The following INPP5A variants were observed in gnomAD, a reference collection of about 807,000 sequenced individuals.
INPP5A encodes the protein inositol polyphosphate-5-phosphatase A, also known as 43 kDa inositol polyphosphate 5-phophatase.
Under a neutral mutation model 65.2 loss-of-function variants are expected in INPP5A, and 14 were observed. That is an observed-to-expected ratio of 0.21 (90% CI 0.14 to 0.34). INPP5A has a LOEUF of 0.34. Ranked by LOEUF, INPP5A falls within the 10% of genes least tolerant of loss-of-function variation. The pLI, the probability that INPP5A is intolerant of heterozygous loss-of-function variation, is 1.00. For synonymous variants in INPP5A, 207 were observed against 208.3 expected (o/e 0.99, Z 0.05); for missense variants, 431 against 545.6 (o/e 0.79, Z 2.09).
At position 132,708,380 on chromosome 10, in the gene INPP5A, T is replaced by A; in HGVS notation, c.527+15T>A. ...ATTGCAGACTGGTACGTGGTGTCTG[T>A]GCTTTGTCAATTTCCATAACGTTTC... On this transcript the variant is annotated intron_variant, in intron 7 of 15. Coordinates refer to ENST00000368594, the MANE Select transcript of INPP5A (RefSeq NM_005539.5). 6.2e-7 allele frequency: 1 copy of A among 1,612,554 alleles called. No individual in the cohort carries two copies. Among genetic ancestry groups the A allele is most frequent in the Non-Finnish European group, 8.5e-7 (1 of 1,178,532 alleles).
chr10:132,690,515 G>GGGAAGCCAGACA, intron 5 of INPP5A, 60 bp downstream of exon 5: 2 of 1,292,400 alleles, frequency 1.5e-6, no homozygotes, highest in Non-Finnish European at 2.2e-6. Context: ...CTGGTGTCTG[G>GGGAAGCCAGACA]CTTCCCCAGA....
rs768756036 is a variant in INPP5A at position 132,706,803 on chromosome 10, G to T, written c.475-1510G>T. Reference sequence around the variant, plus strand: ...GAGACAGGGAGAAGGAGACGGGGCTGCAGGGGCCACTGTGCTGGATGGGGA... The same window carrying T: ...GAGACAGGGAGAAGGAGACGGGGCTTCAGGGGCCACTGTGCTGGATGGGGA... On this transcript the variant is annotated intron_variant, in intron 6 of 15. Transcript: ENST00000368594. This position sits in a 1 kb window ranked among gnomAD's most constrained non-coding sequence, Gnocchi z 4.7. Among the ~76,000 whole-genome samples the T allele has an allele frequency of 3.3e-5, 5 of 152,320 alleles. No individual in the cohort carries two copies. The highest frequency in any genetic ancestry group is 2.1e-4 in the South Asian group (1 of 4,830).
chr10:132,775,275 C>T (rs1847044345), intron 12 of INPP5A, among the ~76,000 whole-genome samples: 1 of 151,706 alleles, frequency 6.6e-6, no homozygotes, highest in Non-Finnish European at 1.5e-5. Context: ...CGATTGTTCG[C>T]CCTATCACAG....
intron 12 of INPP5A, among the ~76,000 whole-genome samples, chr10:132,767,005 G>A (rs1846858874): frequency 6.9e-6 from 1 of 144,660 alleles, no homozygotes; most frequent in Non-Finnish European, 1.5e-5. Flanking sequence ...GGAGGATGCG[G>A]CCTCGGAGCT....
Position 132,651,547 on chromosome 10 carries a change from CCTT to C in INPP5A, c.306+1045_306+1047del, listed in dbSNP as rs2072577353. 6.6e-6 allele frequency among the ~76,000 whole-genome samples: 1 copy of C among 152,166 alleles called. No individual in the cohort carries two copies. Among genetic ancestry groups the C allele is most frequent in the Non-Finnish European group, 1.5e-5 (1 of 68,002 alleles). Reference sequence around the variant, plus strand: ...CCCCGTCTCTGGAGAGGCCCTGCATCCTTCTCCCCCATCTCTGGCCTTCTGTCC... The same window carrying C: ...CCCCGTCTCTGGAGAGGCCCTGCATCCTCCCCCATCTCTGGCCTTCTGTCC... On this transcript the variant is annotated intron_variant, in intron 4 of 15. Coordinates refer to ENST00000368594, the MANE Select transcript of INPP5A (RefSeq NM_005539.5). The surrounding 1 kb of genome is among the most constrained non-coding windows in gnomAD (Gnocchi z 5.0).
intron 1 of INPP5A, among the ~76,000 whole-genome samples, chr10:132,561,722 CCACACACACA>C (rs35335535): frequency 5.9e-4 from 84 of 142,420 alleles, no homozygotes; most frequent in African/African-American, 1.6e-3. Context: ...TTGTCAATTT[CCACACACACA>C]CACACACACA....
At chr10:132,749,278 G>A (rs529733952) in intron 9 of INPP5A, among the ~76,000 whole-genome samples, 35 of 152,370 alleles carry the variant, frequency 2.3e-4, no homozygotes, top group Admixed American at 1.4e-3. Flanking sequence ...CAGCAGCTCC[G>A]GGGTGTCCTC....
At chr10:132,598,636 G>A (rs147966611) in intron 1 of INPP5A, among the ~76,000 whole-genome samples, 1 of 152,308 alleles carries the variant, frequency 6.6e-6, no homozygotes, top group African/African-American at 2.4e-5. Flanking sequence ...TGGACACTTG[G>A]GTTTCTTCCA....
chr10:132,570,761 T>C (rs1405374005), intron 1 of INPP5A, among the ~76,000 whole-genome samples: 1 of 151,466 alleles, frequency 6.6e-6, no homozygotes, highest in Admixed American at 6.6e-5. Flanking sequence ...ACCCATACGG[T>C]GGTGACACTT....
intron 4 of INPP5A, among the ~76,000 whole-genome samples, chr10:132,669,629 T>C (rs1480221822): frequency 1.3e-5 from 2 of 152,202 alleles, no homozygotes; most frequent in Non-Finnish European, 2.9e-5. Context: ...ACACCATTCA[T>C]GTGTCCTTAG....
intron 4 of INPP5A, among the ~76,000 whole-genome samples, chr10:132,667,915 C>T (rs1263643609): frequency 2.0e-5 from 3 of 152,070 alleles, no homozygotes; most frequent in Non-Finnish European, 2.9e-5. Flanking sequence ...ATTCATTCGC[C>T]GCCATGCACC....
Position 132,741,157 on chromosome 10 carries a change from C to T in INPP5A, c.733-8360C>T, listed in dbSNP as rs1158311161. Among the ~76,000 whole-genome samples the T allele has an allele frequency of 6.6e-6, 1 of 152,144 alleles. No individual in the cohort carries two copies. Among genetic ancestry groups the T allele is most frequent in the Non-Finnish European group, 1.5e-5 (1 of 68,012 alleles). ...CTGAGGCGGGAGGATTGCTTGAGCCCGGAGGTCGAGGCTGCAGTGAGCCAG... is the reference window on the plus strand; with the variant it reads ...CTGAGGCGGGAGGATTGCTTGAGCCTGGAGGTCGAGGCTGCAGTGAGCCAG... On this transcript the variant is annotated intron_variant, in intron 9 of 15. Coordinates refer to ENST00000368594, the MANE Select transcript of INPP5A (RefSeq NM_005539.5). This position sits in a 1 kb window ranked among gnomAD's most constrained non-coding sequence, Gnocchi z 4.4.
rs903745791 is a variant in INPP5A, at chr10:132,698,570, C to G, written c.474+651C>G. 1.3e-5 allele frequency among the ~76,000 whole-genome samples: 2 copies of G among 152,210 alleles called. No individual in the cohort carries two copies. The highest frequency in any genetic ancestry group is 2.4e-5 in the African/African-American group (1 of 41,450). ...GTGATCTTTGGGTAAACCTCACACGCGGCATTGTCGGCGTCTCCCTGGCTG... is the reference window on the plus strand; with the variant it reads ...GTGATCTTTGGGTAAACCTCACACGGGGCATTGTCGGCGTCTCCCTGGCTG... On this transcript the variant is annotated intron_variant, in intron 6 of 15. Transcript: ENST00000368594. The surrounding 1 kb of genome is among the most constrained non-coding windows in gnomAD (Gnocchi z 5.5).
At chr10:132,613,701 C>T (rs1435348705) in intron 2 of INPP5A, among the ~76,000 whole-genome samples, 4 of 152,222 alleles carry the variant, frequency 2.6e-5, no homozygotes, top group Non-Finnish European at 5.9e-5. Flanking sequence ...CTTAGGCTAT[C>T]AGCCAGTTCA....
At chr10:132,737,729 A>T (rs1846202888) in intron 9 of INPP5A, among the ~76,000 whole-genome samples, 1 of 152,246 alleles carries the variant, frequency 6.6e-6, no homozygotes, top group Non-Finnish European at 1.5e-5. Context: ...GTTATTCTAG[A>T]GTCTTGGTGT....
In INPP5A at chr10:132,651,672, G is replaced by A. The variant is rs897364120; in HGVS notation, c.306+1167G>A. The stretch of plus-strand genomic sequence containing the variant: ...GTGGGCCCCCGTAGGCTGCAGTGCT[G>A]AGGGTCTCGCTCTCCAGTGCCCCCC... On this transcript the variant is annotated intron_variant, in intron 4 of 15. Coordinates refer to ENST00000368594, the MANE Select transcript of INPP5A (RefSeq NM_005539.5). This position sits in a 1 kb window ranked among gnomAD's most constrained non-coding sequence, Gnocchi z 5.0. Among the ~76,000 whole-genome samples the A allele has an allele frequency of 2.0e-5, 3 of 152,208 alleles. No homozygotes were observed. Among genetic ancestry groups the A allele is most frequent in the African/African-American group, 7.2e-5 (3 of 41,446 alleles).
chr10:132,569,238 G>C (rs982275012), intron 1 of INPP5A, among the ~76,000 whole-genome samples: 5 of 152,120 alleles, frequency 3.3e-5, no homozygotes, highest in African/African-American at 1.2e-4. Flanking sequence ...CTTTTGGATT[G>C]TCAATTCTTT....
At position 132,707,963 on chromosome 10, in the gene INPP5A, C is replaced by T. The variant is rs143150375; in HGVS notation, c.475-350C>T. ...TCCCTGTGGTCCAGCCGAGGGCGGC[C>T]GTGTGTCTCGAGCTCCCTGATCAGC... On this transcript the variant is annotated intron_variant, in intron 6 of 15. Coordinates refer to ENST00000368594, the MANE Select transcript of INPP5A (RefSeq NM_005539.5). The surrounding 1 kb of genome is among the most constrained non-coding windows in gnomAD (Gnocchi z 5.5). 2.0e-3 allele frequency among the ~76,000 whole-genome samples: 312 copies of T among 152,290 alleles called. 2 individuals carry two copies. The highest frequency in any genetic ancestry group is 7.1e-3 in the African/African-American group (294 of 41,564).
intron 1 of INPP5A, among the ~76,000 whole-genome samples, chr10:132,604,091 G>T (rs549384187): frequency 3.6e-4 from 51 of 141,318 alleles, no homozygotes; most frequent in African/African-American, 1.3e-3. Flanking sequence ...TCTCTGTCCC[G>T]CCCTGTGCTG....
Sources: gnomAD v4.1 joint callset for allele counts (sites outside exome capture counted in the v4.1 genomes callset) on GRCh38, gnomAD v4.1.1 for gene constraint, Gnocchi (gnomAD v3.1) non-coding constraint, MANE v1.5 for transcripts, NCBI Gene and HGNC (gene_info 2026-07-23, HGNC 2026-07-21) for gene names.